ANKRD17: variants seen among roughly 807,000 people sequenced by gnomAD.
ANKRD17 encodes the protein ankyrin repeat domain 17.
A neutral mutation model predicts 229.7 loss-of-function variants in ANKRD17; 19 were observed. The ratio of observed to expected loss-of-function variants is 0.08; its 90% CI spans 0.06 to 0.12. The LOEUF is 0.12. Among genes scored for constraint, ANKRD17 ranks in the 10% least tolerant of loss-of-function variants. The pLI is 1.00. For synonymous variants in ANKRD17, 1,112 were observed against 1,146.1 expected (o/e 0.97, Z 0.60); for missense variants, 2,176 against 3,176.8 (o/e 0.68, Z 7.57).
chr4:73,246,372 A>G (rs1003314984), intron 1 of ANKRD17, among the ~76,000 whole-genome samples: 10 of 152,194 alleles, frequency 6.6e-5, no homozygotes, highest in Non-Finnish European at 1.2e-4. Flanking sequence ...TTATTGCTTT[A>G]TAGATCACTA....
chr4:73,207,067 A>C (rs112094497), intron 1 of ANKRD17, among the ~76,000 whole-genome samples: 23 of 152,050 alleles, frequency 1.5e-4, no homozygotes, highest in African/African-American at 5.6e-4. Context: ...CAGGCGATCC[A>C]CCCACCTCAG....
At chr4:73,216,519 A>G (rs1741072103) in intron 1 of ANKRD17, among the ~76,000 whole-genome samples, 1 of 152,158 alleles carries the variant, frequency 6.6e-6, no homozygotes, top group Non-Finnish European at 1.5e-5. Flanking sequence ...GATGAGGGTT[A>G]AAAAAGGGTT....
intron 16 of ANKRD17, among the ~76,000 whole-genome samples, chr4:73,130,024 C>G (rs1727993822): frequency 6.6e-6 from 1 of 152,036 alleles, no homozygotes; most frequent in Non-Finnish European, 1.5e-5. Flanking sequence ...CTTGGCCTCC[C>G]AAAGTGCTGG....
At position 73,151,630 on chromosome 4, in the gene ANKRD17, T is replaced by G. The variant is rs578174742; in HGVS notation, c.1235-106A>C. On this transcript the variant is annotated intron_variant, in intron 6 of 33. Coordinates refer to ENST00000358602, the MANE Select transcript of ANKRD17 (RefSeq NM_032217.5). ...TTATATTTAACTTACAGCATTAAAT[T>G]TATAAGCATAATAAAGTCAACTAGA... The G allele has an allele frequency of 1.8e-5, 15 of 847,806 alleles. No homozygotes were observed. In the East Asian group the frequency reaches 4.3e-4, roughly 24 times the overall value. 52.5% of individuals were successfully genotyped at this position (847,806 alleles called of 1,614,324 possible). A position where few individuals can be genotyped will look rare whatever the true frequency, so the allele number is the denominator to read the frequency against.
intron 3 of ANKRD17, among the ~76,000 whole-genome samples, chr4:73,158,942 A>G (rs968797779): frequency 6.6e-6 from 1 of 152,248 alleles, no homozygotes; most frequent in African/African-American, 2.4e-5. Flanking sequence ...ATTGTAAGAA[A>G]TAAATTCCTT....
chr4:73,219,269 A>G (rs1741539956), intron 1 of ANKRD17, among the ~76,000 whole-genome samples: 1 of 152,254 alleles, frequency 6.6e-6, no homozygotes, highest in Non-Finnish European at 1.5e-5. Context: ...AATCTATGAA[A>G]GACTTACTGG....
chr4:73,236,221 AT>A (rs1743499078), intron 1 of ANKRD17, among the ~76,000 whole-genome samples: 3 of 152,086 alleles, frequency 2.0e-5, no homozygotes, highest in African/African-American at 7.2e-5. Flanking sequence ...CAGTGGTTCC[AT>A]CATTGCCACT....
At chr4:73,093,326 AT>A (rs1305977068) in intron 28 of ANKRD17, among the ~76,000 whole-genome samples, 6 of 150,888 alleles carry the variant, frequency 4.0e-5, no homozygotes, top group Non-Finnish European at 8.8e-5. Context: ...TCGACGAGTT[AT>A]TCAAGATAAG....
intron 1 of ANKRD17, chr4:73,223,243 T>C (rs1018592092): frequency 9.9e-6 from 4 of 404,508 alleles, no homozygotes; most frequent in African/African-American, 2.1e-5. Context: ...AGCAAACTTC[T>C]GTCAAGTAAT....
In ANKRD17 at chr4:73,155,867, T is replaced by C. The variant is rs1034107346; in HGVS notation, c.853-89A>G. The C allele has an allele frequency of 2.3e-5, 34 of 1,499,822 alleles. 2 individuals carry two copies. The highest frequency in any genetic ancestry group is 1.6e-4 in the Admixed American group (8 of 50,206). 92.9% of individuals were successfully genotyped at this position (1,499,822 alleles called of 1,614,324 possible). A position where few individuals can be genotyped will look rare whatever the true frequency, so the allele number is the denominator to read the frequency against. On this transcript the variant is annotated intron_variant, in intron 4 of 33. Transcript: ENST00000358602. ...TATTTATATAACGTCTACCTAGTCA[T>C]AGTAAAAGAGCTATAAGCACACAAA... is the stretch of plus-strand genomic sequence containing the variant.
rs1266128429 is a variant in ANKRD17 at position 73,073,902 on chromosome 4, CAAT to C, written c.*2326_*2328del. 6.6e-6 allele frequency: 1 copy of C among 151,864 alleles called. No individual in the cohort carries two copies. The highest frequency in any genetic ancestry group is 1.5e-5 in the Non-Finnish European group (1 of 67,862). 9.4% of individuals were successfully genotyped at this position (151,864 alleles called of 1,614,324 possible). ...CCAAGAGTTAAATCATTTCTTAAAA[CAAT>C]GATGTAGTCTGCATATACACATACC... On this transcript the variant is annotated 3_prime_UTR_variant, in exon 34 of 34. Transcript: ENST00000358602.
Position 73,218,642 on chromosome 4 carries a change from C to CAA in ANKRD17, c.393+39632_393+39633dup, listed in dbSNP as rs919657671. 6.2e-3 allele frequency among the ~76,000 whole-genome samples: 367 copies of CAA among 59,470 alleles called. 4 individuals are homozygous for CAA. The highest frequency in any genetic ancestry group is 0.023 in the South Asian group (37 of 1,600). 39.0% of individuals were successfully genotyped at this position (59,470 alleles called of 152,430 possible). A position where few individuals can be genotyped will look rare whatever the true frequency, so the allele number is the denominator to read the frequency against. On this transcript the variant is annotated intron_variant, in intron 1 of 33. Transcript: ENST00000358602. ...TGGGTGACAGAGTGAGACTCTGTCT[C>CAA]AAAAAAAAAAAAAAAAAAAAAGATA...
chr4:73,110,044 A>G (rs1479134778), intron 24 of ANKRD17, among the ~76,000 whole-genome samples: 2 of 148,468 alleles, frequency 1.3e-5, no homozygotes, highest in East Asian at 3.9e-4. Flanking sequence ...AAGGTAGAGG[A>G]AAAAAACTAA....
chr4:73,201,643 C>A (rs1211839332), intron 1 of ANKRD17, among the ~76,000 whole-genome samples: 1 of 152,016 alleles, frequency 6.6e-6, no homozygotes, highest in East Asian at 1.9e-4. Flanking sequence ...TCTCTTTGAA[C>A]CTTTTTATGT....
intron 30 of ANKRD17, among the ~76,000 whole-genome samples, chr4:73,084,653 T>C (rs1432891867): frequency 9.2e-5 from 14 of 152,078 alleles, no homozygotes; most frequent in Non-Finnish European, 4.4e-5. Flanking sequence ...TTTGCCATGT[T>C]GGCCGAGCTG....
chr4:73,111,031 A>G (rs1476545263), intron 24 of ANKRD17, among the ~76,000 whole-genome samples: 1 of 152,208 alleles, frequency 6.6e-6, no homozygotes, highest in Non-Finnish European at 1.5e-5. Flanking sequence ...TGGTACTAGG[A>G]AAGTATTCTG....
At chr4:73,218,431 T>C (rs1741387968) in intron 1 of ANKRD17, among the ~76,000 whole-genome samples, 1 of 151,974 alleles carries the variant, frequency 6.6e-6, no homozygotes, top group Admixed American at 6.6e-5. Context: ...TCACCTGAGA[T>C]CAGGAGTTAG....
Position 73,118,706 on chromosome 4 carries a change from A to G in ANKRD17, c.4170T>C (p.Leu1390=). 6.2e-7 allele frequency: 1 copy of G among 1,613,982 alleles called. No homozygotes were observed. The highest frequency in any genetic ancestry group is 2.2e-5 in the East Asian group (1 of 44,848). ...CTTATACCTTTCTAAATGCTGCCAT[A>G]AGAGGAGTTATCTTGCGGTTATCTG... ...DAADNRKITP[L]MAAFRKGHVK... Residue 1390 remains leucine, a synonymous_variant, in exon 22 of 34, where the codon CTT becomes CTC. Coordinates refer to ENST00000358602, the MANE Select transcript of ANKRD17 (RefSeq NM_032217.5).
chr4:73,126,837 C>T (rs368784924), intron 16 of ANKRD17, among the ~76,000 whole-genome samples: 2 of 152,210 alleles, frequency 1.3e-5, no homozygotes, highest in East Asian at 1.9e-4. Context: ...GTTCACGCAA[C>T]GCTCCCTGCC....
Sources: gnomAD v4.1 joint callset for allele counts (sites outside exome capture counted in the v4.1 genomes callset) on GRCh38, gnomAD v4.1.1 for gene constraint, MANE v1.5 for transcripts, NCBI Gene and HGNC (gene_info 2026-07-23, HGNC 2026-07-21) for gene names.